The following NEB variants were observed in gnomAD, a reference collection of about 807,000 sequenced individuals.
NEB encodes nebulin.
NEB carries 512 observed loss-of-function variants against 952.2 expected under a neutral mutation model. That is an observed-to-expected ratio of 0.54 (90% CI 0.50 to 0.58). NEB has a LOEUF of 0.58. NEB is among the 20% of genes least tolerant of loss of function. The probability of loss-of-function intolerance (pLI) is 0.00; values close to 1 mark genes in which losing one functional copy is unlikely to be tolerated. For synonymous variants in NEB, 2,900 were observed against 3,149.8 expected (o/e 0.92, Z 2.66); for missense variants, 8,428 against 9,231.1 (o/e 0.91, Z 3.56).
In NEB at chr2:151,656,155, C is replaced by T. The variant is rs1234273631; in HGVS notation, c.6493G>A (p.Asp2165Asn). 8 of 1,583,736 alleles carry T rather than the reference C, an allele frequency of 5.1e-6. No individual in the cohort carries two copies. Among genetic ancestry groups the T allele is most frequent in the Non-Finnish European group, 6.9e-6 (8 of 1,163,362 alleles). Residue 2165 changes from aspartate (D) to asparagine (N), a missense_variant and splice_region_variant, in exon 49 of 182, where the codon GAT becomes AAT. By Grantham distance (23) the Asp-to-Asn change is conservative. This residue lies in a region of NEB where 2,851 missense variants were observed against 2,791.5 expected (regional missense o/e 1.02). Coordinates refer to ENST00000397345, the MANE Select transcript of NEB (RefSeq NM_001164508.2). ...LTRNMNRIQS[D>N]NEYKQDYNEW... is the part of the protein sequence containing the mutation. ...ACCCAAGTAGAAGAAAGCCTTACAT[C>T]ACTCTGTATGCGATTCATATTCCTG...
chr2:151,578,855 G>A (rs2097005304), intron 105 of NEB, among the ~76,000 whole-genome samples: 2 of 151,958 alleles, frequency 1.3e-5, no homozygotes, highest in South Asian at 4.2e-4. Flanking sequence ...GCTGAGACGG[G>A]TGGATCACCT....
intron 105 of NEB, among the ~76,000 whole-genome samples, chr2:151,578,212 C>T (rs2096950739): frequency 2.0e-5 from 3 of 151,788 alleles, no homozygotes; most frequent in Admixed American, 2.0e-4. Flanking sequence ...GTTTGAAGGG[C>T]GGAAAATACG....
rs749034995 is a variant in NEB at position 151,490,497 on chromosome 2, C to T, written c.25172G>A (p.Arg8391Gln). ...MINVQAQRRS[R>Q]EQSRSASALS... ...TGCACTGGCAGATCGTGACTGCTCC[C>T]GGCTCCGGCGCTGAGCTTGGACTGG... The change falls in exon 180 of 182, where the codon CGG becomes CAG. Residue 8391 changes from arginine (R) to glutamine (Q), a missense_variant. Physicochemically the swap from Arg to Gln is conservative, Grantham distance 43 (BLOSUM62 1). Coordinates refer to ENST00000397345, the MANE Select transcript of NEB (RefSeq NM_001164508.2). 1.8e-5 allele frequency: 29 copies of T among 1,609,072 alleles called. No homozygotes were observed. The highest frequency in any genetic ancestry group is 1.7e-4 in the Middle Eastern group (1 of 6,056).
chr2:151,680,839 A>G lies in NEB; in HGVS notation c.2944-11T>C. ...TTGGCGATATTTTTTCTGTTTGGCA[A>G]ATCAAAAAGAGAAAAACAATCTTGT... On this transcript the variant is annotated splice_polypyrimidine_tract_variant and intron_variant, in intron 29 of 181. Coordinates refer to ENST00000397345, the MANE Select transcript of NEB (RefSeq NM_001164508.2). 6.3e-7 allele frequency: 1 copy of G among 1,581,730 alleles called. No individual in the cohort carries two copies. Among genetic ancestry groups the G allele is most frequent in the South Asian group, 1.1e-5 (1 of 90,376 alleles).
rs1320244420 is a variant in NEB at position 151,496,349 on chromosome 2, A to G, written c.24413T>C (p.Met8138Thr). 5.0e-6 allele frequency: 8 copies of G among 1,610,322 alleles called. No individual in the cohort carries two copies. Among genetic ancestry groups the G allele is most frequent in the Middle Eastern group, 1.6e-4 (1 of 6,082 alleles). ...NISSVLYKEN[M>T]GKGTPLAVTP... is the part of the protein sequence containing the mutation. ...GACAGCTAAAGGAGTTCCCTTGCCCATGTTTTCTTTGTATAACACCTGTGC... is the reference window on the plus strand; with the variant it reads ...GACAGCTAAAGGAGTTCCCTTGCCCGTGTTTTCTTTGTATAACACCTGTGC... The change falls in exon 173 of 182, where the codon ATG becomes ACG. Residue 8138 changes from methionine (M) to threonine (T), a missense_variant. This residue lies in a region of NEB where 3,374 missense variants were observed against 3,651.5 expected (regional missense o/e 0.92). Coordinates refer to ENST00000397345, the MANE Select transcript of NEB (RefSeq NM_001164508.2).
intron 38 of NEB, 71 bp downstream of exon 38, chr2:151,670,952 G>T: frequency 6.9e-7 from 1 of 1,455,668 alleles, no homozygotes; most frequent in East Asian, 2.3e-5. Context: ...ATTGAATTAA[G>T]AAGGACGGAG....
At chr2:151,696,545 G>A in intron 17 of NEB, 92 bp downstream of exon 17, 1 of 969,590 alleles carries the variant, frequency 1.0e-6, no homozygotes, top group Non-Finnish European at 1.6e-6. Context: ...TTAGCCTTTT[G>A]AATAAACTTG....
At chr2:151,630,651 A>T in intron 67 of NEB, 64 bp downstream of exon 67, 3 of 1,334,786 alleles carry the variant, frequency 2.2e-6, no homozygotes, top group Non-Finnish European at 3.2e-6. Flanking sequence ...AGGCCCAAGA[A>T]TCTCCACAAA....
intron 167 of NEB, among the ~76,000 whole-genome samples, chr2:151,502,318 A>G (rs1005061836): frequency 2.6e-5 from 4 of 152,116 alleles, no homozygotes; most frequent in African/African-American, 9.7e-5. Context: ...AGTCACCACT[A>G]AAGAACTTAG....
chr2:151,632,877 C>A (rs984789421), intron 65 of NEB, among the ~76,000 whole-genome samples: 2 of 152,066 alleles, frequency 1.3e-5, no homozygotes, highest in Admixed American at 1.3e-4. Flanking sequence ...CCCTTTTAAA[C>A]TATCTTTTCT....
At chr2:151,500,409 AG>A (rs1383567917) in intron 168 of NEB, among the ~76,000 whole-genome samples, 2 of 128,088 alleles carry the variant, frequency 1.6e-5, no homozygotes, top group African/African-American at 5.6e-5. Flanking sequence ...TAGAAGCTTC[AG>A]AGTTGTATAT....
Position 151,563,906 on chromosome 2 carries a change from C to T in NEB, c.18496G>A (p.Gly6166Ser), listed in dbSNP as rs1239862833. 6.2e-7 allele frequency: 1 copy of T among 1,610,448 alleles called. No individual in the cohort carries two copies. Among genetic ancestry groups the T allele is most frequent in the Non-Finnish European group, 8.5e-7 (1 of 1,178,222 alleles). ...AGGGTGTAGCCATAGGCCTTGGTGCCCTCCCACGCCCCTTTATACAGTATC... is the reference window on the plus strand; with the variant it reads ...AGGGTGTAGCCATAGGCCTTGGTGCTCTCCCACGCCCCTTTATACAGTATC... ...STILYKGAWE[G>S]TKAYGYTLDE... The change falls in exon 118 of 182, where the codon GGC (glycine) becomes AGC (serine). Residue 6166 changes from glycine to serine, a missense_variant. Gly to Ser is a moderately conservative substitution (Grantham distance 56). Around this residue, in one of 11 missense-constraint regions of NEB, gnomAD observed 3,374 missense variants for 3,651.5 expected, o/e 0.92. Coordinates refer to ENST00000397345, the MANE Select transcript of NEB (RefSeq NM_001164508.2).
In NEB at chr2:151,691,465, T is replaced by C. The variant is rs983139624; in HGVS notation, c.2211+399A>G. Among the ~76,000 whole-genome samples the C allele has an allele frequency of 3.3e-5, 5 of 152,348 alleles. No individual in the cohort carries two copies. The South Asian group carries it at 1.0e-3, about 32-fold the overall frequency. ...ATTTCTGTGCTCCTTCCTTTGTTTA[T>C]TACTTGTCTCCTCCACTCCAGTGGG... On this transcript the variant is annotated intron_variant, in intron 23 of 181. Coordinates refer to ENST00000397345, the MANE Select transcript of NEB (RefSeq NM_001164508.2).
Position 151,697,174 on chromosome 2 carries a change from T to C in NEB, c.1444A>G (p.Ile482Val), listed in dbSNP as rs945055152. Residue 482 changes from isoleucine (I) to valine (V), a missense_variant, in exon 16 of 182, where the codon ATT becomes GTT. Coordinates refer to ENST00000397345, the MANE Select transcript of NEB (RefSeq NM_001164508.2). ...PQTITQEYEAIKKLDQCKDHT... is the reference protein window; with the variant it reads ...PQTITQEYEAVKKLDQCKDHT... ...TCTTTACACTGATCTAGTTTCTTAA[T>C]TGCTTCATATTCTTGAGTTATGGTC... The C allele has an allele frequency of 2.5e-6, 4 of 1,613,562 alleles. No individual in the cohort carries two copies. Among genetic ancestry groups the C allele is most frequent in the Admixed American group, 3.3e-5 (2 of 60,018 alleles).
intron 60 of NEB, 120 bp from the exon 61 acceptor site, chr2:151,640,786 T>C (rs2098837021): frequency 2.3e-6 from 2 of 886,594 alleles, no homozygotes; most frequent in South Asian, 2.0e-5. Context: ...AATTATATGA[T>C]AGATGTAGAA....
intron 28 of NEB, 49 bp from the exon 29 acceptor site, chr2:151,682,818 T>C (rs1576211975): frequency 6.7e-7 from 1 of 1,482,458 alleles, no homozygotes; most frequent in Non-Finnish European, 9.3e-7. Context: ...TCATCCTCAT[T>C]ATGTAAAATC....
At chr2:151,563,507 T>G in intron 119 of NEB, 99 bp downstream of exon 119, 2 of 1,032,118 alleles carry the variant, frequency 1.9e-6, no homozygotes, top group South Asian at 2.7e-5. Flanking sequence ...GCTACTCCAT[T>G]TCCCAGCTAA....
At chr2:151,512,053 CAG>C (rs1263469145) in intron 161 of NEB, among the ~76,000 whole-genome samples, 1 of 99,324 alleles carries the variant, frequency 1.0e-5, no homozygotes, top group African/African-American at 4.1e-5. Context: ...TTTTTTGAGA[CAG>C]AGTCTTGCTG....
Position 151,642,701 on chromosome 2 carries a change from T to A in NEB, c.8266-20A>T. Reference sequence around the variant, plus strand: ...CAATTTCTAAAATAGACATTAATAGTAAGTTGGATTTATAAAGTGCATTGT... The same window carrying A: ...CAATTTCTAAAATAGACATTAATAGAAAGTTGGATTTATAAAGTGCATTGT... On this transcript the variant is annotated intron_variant, in intron 59 of 181. Transcript: ENST00000397345. 6.2e-7 allele frequency: 1 copy of A among 1,610,746 alleles called. No homozygotes were observed. The highest frequency in any genetic ancestry group is 1.3e-5 in the African/African-American group (1 of 74,992).
Sources: gnomAD v4.1 joint callset for allele counts (sites outside exome capture counted in the v4.1 genomes callset) on GRCh38, gnomAD v4.1.1 for gene constraint, gnomAD v4.1.1 regional missense constraint, MANE v1.5 for transcripts, NCBI Gene and HGNC (gene_info 2026-07-23, HGNC 2026-07-21) for gene names.